Variants in ATG16L1 observed in about 807,000 individuals in gnomAD.
The protein encoded by ATG16L1 is autophagy related 16 like 1.
Under a neutral mutation model 88.5 loss-of-function variants are expected in ATG16L1, and 37 were observed. That is an observed-to-expected ratio of 0.42 (90% CI 0.32 to 0.55). The LOEUF (loss-of-function observed/expected upper bound fraction) is 0.55, where lower values mean the gene tolerates loss of function less well. Ranked by LOEUF, ATG16L1 falls within the 20% of genes least tolerant of loss-of-function variation. The pLI is 0.13. For synonymous variants in ATG16L1, 301 were observed against 281.0 expected, an observed-to-expected ratio of 1.07 and a Z score of -0.71; for missense variants, 554 against 752.8, an observed-to-expected ratio of 0.74 and a Z score of 3.09.
chr2:233,275,810 T>G (rs541636295), intron 9 of ATG16L1: 4 of 519,222 alleles, frequency 7.7e-6, no homozygotes, highest in South Asian at 4.2e-5. Context: ...GCCCATTTTT[T>G]CCCTCCCGTC....
At chr2:233,258,941 C>T (rs1697002988) in intron 2 of ATG16L1, among the ~76,000 whole-genome samples, 1 of 152,110 alleles carries the variant, frequency 6.6e-6, no homozygotes, top group South Asian at 2.1e-4. Context: ...TTAAGTGATC[C>T]TCCCTCCTCA....
At position 233,294,296 on chromosome 2, in the gene ATG16L1, G is replaced by A. The variant is rs749123850; in HGVS notation, c.1770G>A (p.Ser590=). 2.2e-5 allele frequency: 36 copies of A among 1,612,220 alleles called. No individual in the cohort carries two copies. In the African/African-American group the frequency reaches 3.1e-4, roughly 14 times the overall value. Residue 590 remains serine, a synonymous_variant, in exon 18 of 18, where the codon TCG becomes TCA. Coordinates refer to ENST00000392017, the MANE Select transcript of ATG16L1 (RefSeq NM_030803.7). ...INAVAWSPSG[S]HVVSVDKGCK... Reference sequence around the variant, plus strand: ...CGGTGGCGTGGTCGCCCTCTGGCTCGCACGTTGTCAGTGTGGACAAAGGAT... The same window carrying A: ...CGGTGGCGTGGTCGCCCTCTGGCTCACACGTTGTCAGTGTGGACAAAGGAT...
At chr2:233,264,293 G>T (rs1697415798) in intron 4 of ATG16L1, among the ~76,000 whole-genome samples, 1 of 152,212 alleles carries the variant, frequency 6.6e-6, no homozygotes, top group African/African-American at 2.4e-5. Context: ...ATGTCACCTT[G>T]GCTCTTGCAA....
intron 10 of ATG16L1, 64 bp from the exon 11 acceptor site, chr2:233,281,040 CT>C: frequency 9.6e-7 from 1 of 1,044,752 alleles, no homozygotes; most frequent in Non-Finnish European, 1.4e-6. Flanking sequence ...TTTCAGTGCC[CT>C]GTTTTAATGT....
intron 9 of ATG16L1, chr2:233,275,235 A>T (rs991899151): frequency 1.0e-5 from 2 of 197,026 alleles, no homozygotes. Flanking sequence ...CCTGGGCAGA[A>T]GCCACGGTGA....
chr2:233,270,645 G>GT (rs1293427027), intron 6 of ATG16L1, among the ~76,000 whole-genome samples: 1 of 152,062 alleles, frequency 6.6e-6, no homozygotes, highest in Admixed American at 6.6e-5. Flanking sequence ...TGTTTTGTTT[G>GT]TTTTTTCCCT....
At chr2:233,263,938 C>G in intron 3 of ATG16L1, 54 bp from the exon 4 acceptor site, 1 of 1,571,426 alleles carries the variant, frequency 6.4e-7, no homozygotes, top group African/African-American at 1.4e-5. Context: ...TGTGTAGTTT[C>G]CAAATGAGGT....
chr2:233,273,212 C>T (rs928011784), intron 7 of ATG16L1, 160 bp downstream of exon 7: 75 of 603,368 alleles, frequency 1.2e-4, no homozygotes, highest in Non-Finnish European at 1.2e-4. Context: ...CAGTCTTTCT[C>T]AGTTCACCTC....
Position 233,273,719 on chromosome 2 carries a change from A to T in ATG16L1, c.795-2A>T, listed in dbSNP as rs1262232118. 1 of 1,614,114 alleles carries T rather than the reference A, an allele frequency of 6.2e-7. No homozygotes were observed. The highest frequency in any genetic ancestry group is 8.5e-7 in the Non-Finnish European group (1 of 1,179,966). ...TTAAACCTATCCTCCCCTCCTCTTT[A>T]GTAAGCGACTCTCGCAGCCTGCTGG... On this transcript the variant is annotated splice_acceptor_variant, in intron 7 of 17. Coordinates refer to ENST00000392017, the MANE Select transcript of ATG16L1 (RefSeq NM_030803.7). LOFTEE classifies it high-confidence loss of function.
intron 5 of ATG16L1, among the ~76,000 whole-genome samples, chr2:233,267,191 A>T (rs1697662643): frequency 6.6e-6 from 1 of 152,216 alleles, no homozygotes; most frequent in Admixed American, 6.5e-5. Flanking sequence ...TCTAATAAAA[A>T]TACGAAAATT....
chr2:233,287,956 G>A (rs7594365), intron 12 of ATG16L1, among the ~76,000 whole-genome samples: 8,504 of 152,258 alleles, frequency 0.056, 295 homozygotes, highest in South Asian at 0.14. Context: ...CAGAGTGGAT[G>A]TTTTATATTG....
Position 233,273,427 on chromosome 2 carries a change from A to G in ATG16L1, c.795-294A>G, listed in dbSNP as rs550830281. On this transcript the variant is annotated intron_variant, in intron 7 of 17. Transcript: ENST00000392017. ...GGGGATTGGTTACTAACAGTCAGAA[A>G]TTGTGAAGTTAGTTAGCCAGGAATT... is the stretch of plus-strand genomic sequence containing the variant. 3 of 513,060 alleles carry G rather than the reference A, an allele frequency of 5.8e-6. No individual in the cohort carries two copies. The East Asian group carries it at 9.6e-5, about 16-fold the overall frequency. The allele number at this position is 513,060 out of a possible 1,614,324, so 31.8% of individuals were successfully genotyped here.
chr2:233,270,190 T>A, intron 6 of ATG16L1, 123 bp downstream of exon 6: 1 of 702,806 alleles, frequency 1.4e-6, no homozygotes, highest in South Asian at 2.6e-5. Context: ...TTGCCCAGGC[T>A]GGAGTGCAGT....
chr2:233,291,767 A>G (rs1699478521), intron 14 of ATG16L1, among the ~76,000 whole-genome samples: 1 of 152,250 alleles, frequency 6.6e-6, no homozygotes, highest in Non-Finnish European at 1.5e-5. Flanking sequence ...CCACTAATGC[A>G]GGTTTCTTTG....
At position 233,285,937 on chromosome 2, in the gene ATG16L1, C is replaced by G. The variant is rs528157829; in HGVS notation, c.1203+3184C>G. Reference sequence around the variant, plus strand: ...TTTGTAAATGCACCCTAGAAACAACCTGGCATTGAAAGGAGTCCTCTGTGA... The same window carrying G: ...TTTGTAAATGCACCCTAGAAACAACGTGGCATTGAAAGGAGTCCTCTGTGA... On this transcript the variant is annotated intron_variant, in intron 12 of 17. Coordinates refer to ENST00000392017, the MANE Select transcript of ATG16L1 (RefSeq NM_030803.7). Among the ~76,000 whole-genome samples, 7 of 152,274 alleles carry G rather than the reference C, an allele frequency of 4.6e-5. No homozygotes were observed. In the South Asian group the frequency reaches 1.5e-3, roughly 32 times the overall value.
chr2:233,254,300 CAA>C (rs1181200727), intron 1 of ATG16L1, among the ~76,000 whole-genome samples: 1 of 152,190 alleles, frequency 6.6e-6, no homozygotes, highest in Admixed American at 6.5e-5. Context: ...GAGAAGCTAA[CAA>C]GAGGCAGGAG....
intron 5 of ATG16L1, chr2:233,266,205 G>GGAGGCGGAGGCA (rs1423179615): frequency 2.4e-5 from 1 of 42,184 alleles, no homozygotes; most frequent in African/African-American, 7.8e-5. Flanking sequence ...TTTGGGAGGC[G>GGAGGCGGAGGCA]GAGGCGGAGG....
At chr2:233,258,165 A>T (rs1178379851) in intron 2 of ATG16L1, among the ~76,000 whole-genome samples, 1 of 152,098 alleles carries the variant, frequency 6.6e-6, no homozygotes, top group African/African-American at 2.4e-5. Context: ...AAGTCTTATT[A>T]TCCTCTTCTG....
intron 3 of ATG16L1, 139 bp from the exon 4 acceptor site, chr2:233,263,853 T>G: frequency 1.5e-6 from 1 of 667,030 alleles, no homozygotes; most frequent in Admixed American, 2.7e-5. Flanking sequence ...TTCCCCTTTG[T>G]GTCCCCATAG....
Sources: allele counts gnomAD v4.1 joint callset (sites outside exome capture counted in the v4.1 genomes callset), GRCh38; gene constraint gnomAD v4.1.1; transcripts MANE v1.5; gene names NCBI Gene and HGNC (gene_info 2026-07-23, HGNC 2026-07-21).